The following GALNTL6 variants were observed in gnomAD, a reference collection of about 807,000 sequenced individuals.
GALNTL6 encodes the protein polypeptide N-acetylgalactosaminyltransferase like 6.
GALNTL6 carries 46 observed loss-of-function variants against 73.7 expected under a neutral mutation model. The ratio of observed to expected loss-of-function variants is 0.62; its 90% confidence interval spans 0.49 to 0.80. The LOEUF (loss-of-function observed/expected upper bound fraction) is 0.80, where lower values mean the gene tolerates loss of function less well. GALNTL6 is among the 30% of genes least tolerant of loss of function. The pLI is 0.00. For missense variants in GALNTL6, 604 were observed against 755.0 expected (o/e 0.80, Z 2.34); for synonymous variants, 259 against 263.7 (o/e 0.98, Z 0.17).
At chr4:172,219,223 A>ATATATATATATATATAT (rs56923371) in intron 2 of GALNTL6, among the ~76,000 whole-genome samples, 227 of 141,746 alleles carry the variant, frequency 1.6e-3, no homozygotes, top group Non-Finnish European at 2.0e-3. Context: ...ATATATATAT[A>ATATATATATATATATAT]ATCCTTCTGT....
In GALNTL6 at chr4:172,561,060, T is replaced by C. The variant is rs1417952583; in HGVS notation, c.553+212371T>C. Among the ~76,000 whole-genome samples the C allele has an allele frequency of 2.0e-5, 3 of 151,538 alleles. No individual in the cohort carries two copies. The East Asian group carries it at 5.8e-4, about 29-fold the overall frequency. ...TGAGGTCAGGAGATCGAGACCATCC[T>C]GGCTAACAAGGTGAAACCCCATCTC... On this transcript the variant is annotated intron_variant, in intron 5 of 12. Coordinates refer to ENST00000506823, the MANE Select transcript of GALNTL6 (RefSeq NM_001034845.3).
At chr4:171,980,842 T>G (rs989827943) in intron 2 of GALNTL6, among the ~76,000 whole-genome samples, 1 of 152,212 alleles carries the variant, frequency 6.6e-6, no homozygotes, top group Non-Finnish European at 1.5e-5. Context: ...TTCATTAAAA[T>G]GAAATATTCC....
intron 2 of GALNTL6, among the ~76,000 whole-genome samples, chr4:172,126,781 C>G (rs1263538138): frequency 2.0e-5 from 3 of 152,150 alleles, no homozygotes; most frequent in South Asian, 2.1e-4. Context: ...GAAAGCCCAG[C>G]CCCCACCAGA....
intron 2 of GALNTL6, among the ~76,000 whole-genome samples, chr4:171,955,924 G>C (rs1311558350): frequency 2.0e-5 from 3 of 151,990 alleles, no homozygotes; most frequent in Non-Finnish European, 4.4e-5. Flanking sequence ...TGTTTTATTA[G>C]CTGCAAAGTA....
chr4:171,836,590 G>A (rs1159576040), intron 2 of GALNTL6, among the ~76,000 whole-genome samples: 2 of 152,024 alleles, frequency 1.3e-5, no homozygotes, highest in South Asian at 2.1e-4. Context: ...TCGTAAATAT[G>A]ATATGATTGT....
chr4:172,309,101 G>T lies in GALNTL6; in HGVS notation c.248-2513G>T, dbSNP rs563965942. On this transcript the variant is annotated intron_variant, in intron 3 of 12. Transcript: ENST00000506823. ...TTGTTTTTTTTTGTTTTTATTTTTGGTTTTTTGGGGCCAAATGTCATTTAA... is the reference window on the plus strand; with the variant it reads ...TTGTTTTTTTTTGTTTTTATTTTTGTTTTTTTGGGGCCAAATGTCATTTAA... Among the ~76,000 whole-genome samples, 217 of 151,946 alleles carry T rather than the reference G, an allele frequency of 1.4e-3. 2 individuals are homozygous for T. The highest frequency in any genetic ancestry group is 0.014 in the Middle Eastern group (4 of 290).
intron 8 of GALNTL6, among the ~76,000 whole-genome samples, chr4:172,925,065 G>A (rs2111302727): frequency 6.6e-6 from 1 of 151,938 alleles, no homozygotes; most frequent in Non-Finnish European, 1.5e-5. Flanking sequence ...GTAGAGACGG[G>A]GTTTCACTGT....
chr4:172,363,551 T>C (rs140821450), intron 5 of GALNTL6, among the ~76,000 whole-genome samples: 1 of 152,328 alleles, frequency 6.6e-6, no homozygotes, highest in East Asian at 1.9e-4. Flanking sequence ...TGTTGGTTTC[T>C]ACCTTTGGAA....
chr4:172,074,685 TACC>T (rs1731650535), intron 2 of GALNTL6, among the ~76,000 whole-genome samples: 1 of 152,188 alleles, frequency 6.6e-6, no homozygotes, highest in Non-Finnish European at 1.5e-5. Flanking sequence ...GCACTGTCCC[TACC>T]CTTCTTATAA....
chr4:171,818,564 T>G (rs2110798136), intron 2 of GALNTL6, among the ~76,000 whole-genome samples: 1 of 148,390 alleles, frequency 6.7e-6, no homozygotes, highest in Non-Finnish European at 1.5e-5. Context: ...GTCCTAGATT[T>G]TCTACCACAT....
intron 8 of GALNTL6, among the ~76,000 whole-genome samples, chr4:172,893,921 C>A (rs1405795120): frequency 1.3e-5 from 2 of 152,130 alleles, no homozygotes; most frequent in African/African-American, 4.8e-5. Flanking sequence ...AGTGTGGAGT[C>A]CCGGAGCTCC....
rs557544831 is a variant in GALNTL6 at position 172,791,799 on chromosome 4, A to T, written c.554-17562A>T. Among the ~76,000 whole-genome samples, 4 of 152,330 alleles carry T rather than the reference A, an allele frequency of 2.6e-5. No individual in the cohort carries two copies. In the South Asian group the frequency reaches 6.2e-4, roughly 24 times the overall value. On this transcript the variant is annotated intron_variant, in intron 5 of 12. Transcript: ENST00000506823. Reference sequence around the variant, plus strand: ...TGTGTTCCTTGTTTAGGAAAAGAAAAAAAAAGTTAATTTCTGATTGAGAAA... The same window carrying T: ...TGTGTTCCTTGTTTAGGAAAAGAAATAAAAAGTTAATTTCTGATTGAGAAA...
chr4:172,106,144 C>A (rs1432284065), intron 2 of GALNTL6, among the ~76,000 whole-genome samples: 1 of 152,216 alleles, frequency 6.6e-6, no homozygotes, highest in Non-Finnish European at 1.5e-5. Flanking sequence ...CAGAGAGTGG[C>A]TTAGATAAGC....
chr4:172,485,405 A>T (rs337991), intron 5 of GALNTL6, among the ~76,000 whole-genome samples: 17,884 of 152,124 alleles, frequency 0.12, 1,085 homozygotes, highest in East Asian at 0.23. Context: ...TAATGTTACT[A>T]TACAATACTA....
chr4:172,860,191 A>C (rs1334996912), intron 7 of GALNTL6, among the ~76,000 whole-genome samples: 1 of 152,186 alleles, frequency 6.6e-6, no homozygotes, highest in Non-Finnish European at 1.5e-5. Flanking sequence ...TCTGTGTTGC[A>C]CATATATTGT....
chr4:172,264,752 TTATC>T (rs1302748365), intron 3 of GALNTL6, among the ~76,000 whole-genome samples: 3 of 150,366 alleles, frequency 2.0e-5, no homozygotes, highest in African/African-American at 7.3e-5. Flanking sequence ...AGAATGATGT[TTATC>T]TATCCCAGTA....
intron 3 of GALNTL6, among the ~76,000 whole-genome samples, chr4:172,288,120 T>G (rs1201061722): frequency 6.6e-6 from 1 of 151,768 alleles, no homozygotes. Context: ...AGATGGGTTT[T>G]CACTCTCTCT....
intron 5 of GALNTL6, among the ~76,000 whole-genome samples, chr4:172,613,682 A>G (rs1209507533): frequency 6.6e-6 from 1 of 152,178 alleles, no homozygotes; most frequent in Non-Finnish European, 1.5e-5. Flanking sequence ...GTTGAAAAAC[A>G]TCTTTAAAGT....
At chr4:172,337,470 G>T (rs1309250020) in intron 4 of GALNTL6, among the ~76,000 whole-genome samples, 2 of 152,072 alleles carry the variant, frequency 1.3e-5, no homozygotes, top group African/African-American at 2.4e-5. Context: ...TATAAGGTTG[G>T]TCTATTGGCA....
Sources: allele counts gnomAD v4.1 joint callset (sites outside exome capture counted in the v4.1 genomes callset), GRCh38; gene constraint gnomAD v4.1.1; transcripts MANE v1.5; gene names NCBI Gene and HGNC (gene_info 2026-07-23, HGNC 2026-07-21).